The following INTS7 variants were observed in gnomAD, a reference collection of about 807,000 sequenced individuals.
INTS7 encodes chromosome 1 open reading frame 73.
In INTS7, 46 loss-of-function variants were observed where a neutral mutation model predicts 109.2. The ratio of observed to expected loss-of-function variants is 0.42; its 90% CI spans 0.33 to 0.54. The LOEUF (loss-of-function observed/expected upper bound fraction) is 0.54, where lower values mean the gene tolerates loss of function less well. Among genes scored for constraint, INTS7 ranks in the 20% least tolerant of loss-of-function variants. The pLI, the probability that INTS7 is intolerant of heterozygous loss-of-function variation, is 0.07. For missense variants in INTS7, 929 were observed against 1,132.4 expected, an observed-to-expected ratio of 0.82 and a Z score of 2.58; for synonymous variants, 412 against 402.9, an observed-to-expected ratio of 1.02 and a Z score of -0.27.
rs893452321 is a variant in INTS7 at position 211,968,509 on chromosome 1, A to G, written c.2010+4T>C. On this transcript the variant is annotated splice_donor_region_variant and intron_variant, in intron 14 of 19. Coordinates refer to ENST00000366994, the MANE Select transcript of INTS7 (RefSeq NM_015434.4). Reference sequence around the variant, plus strand: ...TAAAAAATGCACTGAAAGTTAAGACATGCCTGATTGGAGATGCGACCACAC... The same window carrying G: ...TAAAAAATGCACTGAAAGTTAAGACGTGCCTGATTGGAGATGCGACCACAC... The G allele has an allele frequency of 6.2e-7, 1 of 1,610,080 alleles. No homozygotes were observed. Among genetic ancestry groups the G allele is most frequent in the Non-Finnish European group, 8.5e-7 (1 of 1,177,890 alleles).
chr1:212,027,905 C>G (rs1430458580), intron 1 of INTS7, among the ~76,000 whole-genome samples: 1 of 152,152 alleles, frequency 6.6e-6, no homozygotes, highest in African/African-American at 2.4e-5. Context: ...CAGCTCACTG[C>G]AACCTCCGCC....
chr1:212,015,063 C>G (rs1466826445), intron 4 of INTS7, among the ~76,000 whole-genome samples: 1 of 151,606 alleles, frequency 6.6e-6, no homozygotes, highest in African/African-American at 2.4e-5. Flanking sequence ...CGCCTCCGCC[C>G]GGCAGCCGCC....
Position 211,978,398 on chromosome 1 carries a change from C to T in INTS7, c.1344G>A (p.Leu448=). The change falls in exon 11 of 20, where the codon TTG becomes TTA. Residue 448 remains leucine (L), a synonymous_variant. Transcript: ENST00000366994. ...LHSAQDAARI[L]MCHCLAAIAM... is the part of the protein sequence containing the mutation. ...CAATGGCTGCCAGGCAATGGCACAT[C>T]AAAATCCGGGCAGCGTCTTGAGCAC... The T allele has an allele frequency of 6.2e-7, 1 of 1,614,196 alleles. No individual in the cohort carries two copies. The highest frequency in any genetic ancestry group is 1.3e-5 in the African/African-American group (1 of 75,048).
intron 4 of INTS7, among the ~76,000 whole-genome samples, chr1:212,012,601 AC>A (rs1280229912): frequency 1.3e-5 from 2 of 152,184 alleles, no homozygotes; most frequent in Non-Finnish European, 2.9e-5. Flanking sequence ...AGCCTAGGTG[AC>A]AGAGATTCAT....
chr1:211,980,246 A>G (rs1439016307), intron 10 of INTS7, among the ~76,000 whole-genome samples: 1 of 152,148 alleles, frequency 6.6e-6, no homozygotes, highest in Non-Finnish European at 1.5e-5. Flanking sequence ...CACTATGACC[A>G]TATCACAACT....
At chr1:211,969,546 CTTTTCTTTTTTTTTTTTTT>C (rs1038661615) in intron 13 of INTS7, among the ~76,000 whole-genome samples, 9 of 121,072 alleles carry the variant, frequency 7.4e-5, no homozygotes, top group African/African-American at 2.7e-4. Flanking sequence ...TTTTCTTTTT[CTTTTCTTTTTTTTTTTTTT>C]TTTTTTTTGA....
intron 5 of INTS7, among the ~76,000 whole-genome samples, chr1:212,010,409 T>C (rs904281692): frequency 6.6e-6 from 1 of 152,164 alleles, no homozygotes; most frequent in Non-Finnish European, 1.5e-5. Flanking sequence ...AAACCAGGGC[T>C]TTGTAGTCTA....
At position 211,980,999 on chromosome 1, in the gene INTS7, T is replaced by A. The variant is rs186686578; in HGVS notation, c.1230+94A>T. 1.8e-4 allele frequency: 106 copies of A among 605,284 alleles called. No homozygotes were observed. In the Admixed American group the frequency reaches 3.0e-3, roughly 17 times the overall value. The allele number at this position is 605,284 out of a possible 1,614,324, so 37.5% of individuals were successfully genotyped here. A position where few individuals can be genotyped will look rare whatever the true frequency, so the allele number is the denominator to read the frequency against. ...ATTTAATCACTTAGATTAAAACTTC[T>A]AAGAGTACAGGAGCTATGTCTGCTT... On this transcript the variant is annotated intron_variant, in intron 10 of 19. Coordinates refer to ENST00000366994, the MANE Select transcript of INTS7 (RefSeq NM_015434.4).
At chr1:211,961,021 GA>G (rs899869898) in intron 16 of INTS7, among the ~76,000 whole-genome samples, 46 of 144,180 alleles carry the variant, frequency 3.2e-4, no homozygotes, top group Non-Finnish European at 5.7e-4. Context: ...TCAGAAAAAA[GA>G]AAAAAAAATA....
At chr1:211,962,165 G>C (rs1663659365) in intron 16 of INTS7, among the ~76,000 whole-genome samples, 1 of 141,124 alleles carries the variant, frequency 7.1e-6, no homozygotes, top group Non-Finnish European at 1.5e-5. Flanking sequence ...TCAAAATAAA[G>C]AGATAGAGAA....
chr1:212,012,554 G>A (rs965404769), intron 4 of INTS7, among the ~76,000 whole-genome samples: 1 of 152,176 alleles, frequency 6.6e-6, no homozygotes, highest in Non-Finnish European at 1.5e-5. Flanking sequence ...CCAGAAGTTC[G>A]AGGCTGCAGT....
rs1667403337 is a variant in INTS7 at position 212,035,504 on chromosome 1, TC to T, written c.-68del. 3.4e-6 allele frequency: 4 copies of T among 1,173,156 alleles called. No homozygotes were observed. Among genetic ancestry groups the T allele is most frequent in the Non-Finnish European group, 3.8e-6 (3 of 780,258 alleles). 72.7% of individuals were successfully genotyped at this position (1,173,156 alleles called of 1,614,324 possible). The stretch of plus-strand genomic sequence containing the variant: ...AAACTCTACCCCAGGACCGCCATCT[TC>T]CCCCGCCGCCTTCTTGCTGGTTTTT... On this transcript the variant is annotated 5_prime_UTR_variant, in exon 1 of 20. Transcript: ENST00000366994.
At chr1:211,958,430 CTTCT>C (rs66992527) in intron 16 of INTS7, among the ~76,000 whole-genome samples, 11,531 of 151,854 alleles carry the variant, frequency 0.076, 470 homozygotes, top group Admixed American at 0.14. Flanking sequence ...TAAATAATAT[CTTCT>C]TTCTCTTTAA....
At chr1:211,987,444 T>C (rs753759980) in intron 8 of INTS7, among the ~76,000 whole-genome samples, 13 of 152,172 alleles carry the variant, frequency 8.5e-5, no homozygotes, top group Non-Finnish European at 1.6e-4. Context: ...GAAAGTGTTA[T>C]TGGGCTGGAG....
intron 4 of INTS7, among the ~76,000 whole-genome samples, chr1:212,012,288 A>G (rs1212299986): frequency 6.6e-6 from 1 of 152,184 alleles, no homozygotes; most frequent in Non-Finnish European, 1.5e-5. Flanking sequence ...GGCGGAGAAC[A>G]GGATTAAATA....
chr1:211,972,290 G>T (rs1309494429), intron 13 of INTS7, among the ~76,000 whole-genome samples: 1 of 152,016 alleles, frequency 6.6e-6, no homozygotes, highest in Non-Finnish European at 1.5e-5. Context: ...ATTGTAGGAA[G>T]AACGCTAAGC....
At chr1:212,013,019 C>T (rs943875510) in intron 4 of INTS7, among the ~76,000 whole-genome samples, 2 of 152,154 alleles carry the variant, frequency 1.3e-5, no homozygotes, top group Non-Finnish European at 2.9e-5. Flanking sequence ...ATTCCCTAGG[C>T]ACAACTCCTA....
At chr1:211,975,136 C>G (rs1664362844) in intron 13 of INTS7, 30 bp downstream of exon 13, 1 of 1,472,222 alleles carries the variant, frequency 6.8e-7, no homozygotes, top group Non-Finnish European at 9.5e-7. Flanking sequence ...CATAAATCAT[C>G]ACCACCAAAG....
At chr1:212,014,233 G>T (rs1666295727) in intron 4 of INTS7, among the ~76,000 whole-genome samples, 2 of 152,166 alleles carry the variant, frequency 1.3e-5, no homozygotes, top group Admixed American at 1.3e-4. Context: ...GGGAGGCCAA[G>T]GCAGGTGGAT....
Sources: allele counts gnomAD v4.1 joint callset (sites outside exome capture counted in the v4.1 genomes callset), GRCh38; gene constraint gnomAD v4.1.1; transcripts MANE v1.5; gene names NCBI Gene and HGNC (gene_info 2026-07-23, HGNC 2026-07-21).